ZNF253: variants seen among roughly 807,000 people sequenced by gnomAD.
ZNF253 encodes the protein zinc finger protein 253, also known as DNA-binding protein.
ZNF253 carries 8 observed loss-of-function variants against 11.9 expected under a neutral mutation model. The ratio of observed to expected loss-of-function variants is 0.67; its 90% CI spans 0.40 to 1.22. ZNF253 has a LOEUF of 1.22. Among genes scored for constraint, ZNF253 ranks in the 50% most tolerant of loss-of-function variants. ZNF253 has a pLI of 0.01. For synonymous variants in ZNF253, 194 were observed against 194.9 expected (o/e 1.00, Z 0.04); for missense variants, 485 against 586.9 (o/e 0.83, Z 1.79).
rs970954814 is a variant in ZNF253, at chr19:19,865,889, C to T, written c.-108C>T. ...CTGCAGCGGGAGCTCCAGGTTTATC[C>T]TCAGTGTTCTGTGTCCTGTGCTTAT... On this transcript the variant is annotated 5_prime_UTR_variant, in exon 1 of 4. Coordinates refer to ENST00000589717, the MANE Select transcript of ZNF253 (RefSeq NM_021047.3). The T allele has an allele frequency of 7.1e-6, 10 of 1,406,752 alleles. No individual in the cohort carries two copies. The African/African-American group carries it at 1.1e-4, about 16-fold the overall frequency. The allele number at this position is 1,406,752 out of a possible 1,614,324, so 87.1% of individuals were successfully genotyped here.
Position 19,878,735 on chromosome 19 carries a change from G to A in ZNF253, c.130+128G>A. ...ATTACAGGCATAAGCCACTGCGCCT[G>A]GCCATATTTTATTTATATTTCTGTA... On this transcript the variant is annotated intron_variant, in intron 2 of 3. Coordinates refer to ENST00000589717, the MANE Select transcript of ZNF253 (RefSeq NM_021047.3). The A allele has an allele frequency of 6.2e-6, 6 of 965,080 alleles. No individual in the cohort carries two copies. The Middle Eastern group carries it at 7.3e-4, about 117-fold the overall frequency. 59.8% of individuals were successfully genotyped at this position (965,080 alleles called of 1,614,324 possible).
chr19:19,890,325 C>T, intron 3 of ZNF253, among the ~76,000 whole-genome samples: 1 of 152,104 alleles, frequency 6.6e-6, no homozygotes, highest in East Asian at 1.9e-4. Flanking sequence ...TAACATTTAC[C>T]TTTAGACTCA....
intron 3 of ZNF253, among the ~76,000 whole-genome samples, chr19:19,882,158 C>T (rs2063180533): frequency 6.6e-6 from 1 of 150,912 alleles, no homozygotes; most frequent in African/African-American, 2.4e-5. Flanking sequence ...CATTGCACTC[C>T]AGCCTGGGCA....
At position 19,891,902 on chromosome 19, in the gene ZNF253, A is replaced by G. The variant is rs749812359; in HGVS notation, c.655A>G (p.Lys219Glu). The stretch of plus-strand genomic sequence containing the variant: ...CCAATCTGCAAACCTTACTACACAT[A>G]AGAGAATTCATACCGGAGAGAAACC... ...FNQSANLTTH[K>E]RIHTGEKPYR... The change falls in exon 4 of 4, where the codon AAG (lysine) becomes GAG (glutamate). Residue 219 changes from lysine to glutamate, a missense_variant. This residue lies in a region of ZNF253 where 218 missense variants were observed against 213.1 expected (regional missense o/e 1.02). Coordinates refer to ENST00000589717, the MANE Select transcript of ZNF253 (RefSeq NM_021047.3). 2.5e-6 allele frequency: 4 copies of G among 1,613,990 alleles called. No homozygotes were observed. Among genetic ancestry groups the G allele is most frequent in the Non-Finnish European group, 2.5e-6 (3 of 1,179,986 alleles).
At chr19:19,886,810 A>T (rs917674438) in intron 3 of ZNF253, among the ~76,000 whole-genome samples, 20 of 152,318 alleles carry the variant, frequency 1.3e-4, no homozygotes, top group African/African-American at 4.1e-4. Context: ...GTATTCCTCT[A>T]TATGCAAAAT....
chr19:19,867,706 G>A (rs2063117457), intron 1 of ZNF253, among the ~76,000 whole-genome samples: 4 of 152,184 alleles, frequency 2.6e-5, no homozygotes, highest in South Asian at 2.1e-4. Flanking sequence ...CACTGATAGG[G>A]CCTGTCCATG....
At chr19:19,870,771 A>T (rs2063130744) in intron 1 of ZNF253, 1 of 152,124 alleles carries the variant, frequency 6.6e-6, no homozygotes, top group East Asian at 1.9e-4. Context: ...TAGAACCCCC[A>T]TTCAGTGGCT....
rs192576707 is a variant in ZNF253 at position 19,893,692 on chromosome 19, T to G, written c.*945T>G. ...TTACTGAACAGAAGAAGGTTCATAG[T>G]TAATAAAGCATTAAAAGTGCAATTA... On this transcript the variant is annotated 3_prime_UTR_variant, in exon 4 of 4. Coordinates refer to ENST00000589717, the MANE Select transcript of ZNF253 (RefSeq NM_021047.3). 4.7e-4 allele frequency: 72 copies of G among 152,360 alleles called. No homozygotes were observed. The highest frequency in any genetic ancestry group is 1.7e-3 in the African/African-American group (71 of 41,596). The allele number at this position is 152,360 out of a possible 1,614,324, so 9.4% of individuals were successfully genotyped here.
At chr19:19,868,798 G>A (rs927010697) in intron 1 of ZNF253, among the ~76,000 whole-genome samples, 2 of 151,958 alleles carry the variant, frequency 1.3e-5, no homozygotes, top group African/African-American at 2.4e-5. Flanking sequence ...AAACCTGCAC[G>A]TTATGCACAT....
intron 3 of ZNF253, among the ~76,000 whole-genome samples, chr19:19,886,574 T>C (rs1180757806): frequency 6.6e-6 from 1 of 152,210 alleles, no homozygotes; most frequent in African/African-American, 2.4e-5. Flanking sequence ...CTTTTCACTC[T>C]ATTAATTCAA....
At position 19,891,768 on chromosome 19, in the gene ZNF253, G is replaced by T; in HGVS notation, c.521G>T (p.Cys174Phe). 6.2e-7 allele frequency: 1 copy of T among 1,614,092 alleles called. No homozygotes were observed. The highest frequency in any genetic ancestry group is 8.5e-7 in the Non-Finnish European group (1 of 1,179,990). Residue 174 changes from cysteine (C) to phenylalanine (F), a missense_variant, in exon 4 of 4, where the codon TGT becomes TTT. Coordinates refer to ENST00000589717, the MANE Select transcript of ZNF253 (RefSeq NM_021047.3). ...TRHTGINLFK[C>F]IICGKAFKRS... ...CATACTGGAATAAATCTTTTCAAATGTATAATATGTGGCAAAGCTTTTAAA... is the reference window on the plus strand; with the variant it reads ...CATACTGGAATAAATCTTTTCAAATTTATAATATGTGGCAAAGCTTTTAAA...
chr19:19,866,048 C>A, intron 1 of ZNF253, 49 bp downstream of exon 1: 9 of 1,613,460 alleles, frequency 5.6e-6, no homozygotes, highest in Non-Finnish European at 7.6e-6. Flanking sequence ...CTGTTTGGAA[C>A]GGTGGGAAGT....
intron 1 of ZNF253, among the ~76,000 whole-genome samples, chr19:19,873,524 T>C (rs955651061): frequency 6.6e-6 from 1 of 152,194 alleles, no homozygotes; most frequent in Admixed American, 6.5e-5. Context: ...ATTCTGCTTC[T>C]GTCTCAGTGT....
chr19:19,892,182 A>G lies in ZNF253; in HGVS notation c.935A>G (p.Tyr312Cys). 1 of 1,613,842 alleles carries G rather than the reference A, an allele frequency of 6.2e-7. No individual in the cohort carries two copies. The highest frequency in any genetic ancestry group is 1.1e-5 in the South Asian group (1 of 91,038). ...AAAATTCATACTAGAGGGAAACCCT[A>G]CAACTGTGAAGAATGTGGCAAATCC... ...HKKIHTRGKP[Y>C]NCEECGKSFK... Residue 312 changes from tyrosine (Y) to cysteine (C), a missense_variant, in exon 4 of 4, where the codon TAC (tyrosine) becomes TGC (cysteine). Around this residue, in one of 3 missense-constraint regions of ZNF253, gnomAD observed 232 missense variants for 321.4 expected, o/e 0.72. Transcript: ENST00000589717.
At chr19:19,873,327 C>T (rs1488781774) in intron 1 of ZNF253, among the ~76,000 whole-genome samples, 1 of 152,124 alleles carries the variant, frequency 6.6e-6, no homozygotes, top group Non-Finnish European at 1.5e-5. Flanking sequence ...AACAGGTGAT[C>T]CAGGTTCTGG....
chr19:19,892,300 A>C lies in ZNF253; in HGVS notation c.1053A>C (p.Leu351=). Residue 351 remains leucine (L), a synonymous_variant, in exon 4 of 4, where the codon CTA becomes CTC. Coordinates refer to ENST00000589717, the MANE Select transcript of ZNF253 (RefSeq NM_021047.3). ...KCEECGKAFH[L]SSHLTTHKIL... ...AAGAATGTGGCAAAGCCTTTCACCT[A>C]TCCTCACACCTTACTACACATAAGA... 6.2e-7 allele frequency: 1 copy of C among 1,613,148 alleles called. No individual in the cohort carries two copies. The highest frequency in any genetic ancestry group is 1.7e-4 in the Middle Eastern group (1 of 6,050).
At chr19:19,879,094 A>G (rs2063167043) in intron 2 of ZNF253, among the ~76,000 whole-genome samples, 1 of 152,198 alleles carries the variant, frequency 6.6e-6, no homozygotes, top group Admixed American at 6.5e-5. Flanking sequence ...ACTAGACATG[A>G]TATTCCACTA....
At chr19:19,880,988 GT>G (rs1195528113) in intron 3 of ZNF253, among the ~76,000 whole-genome samples, 1 of 151,862 alleles carries the variant, frequency 6.6e-6, no homozygotes, top group East Asian at 1.9e-4. Context: ...CCTCAAGACT[GT>G]TTTGGCTATT....
chr19:19,871,026 A>G (rs2063131817), intron 1 of ZNF253: 1 of 152,000 alleles, frequency 6.6e-6, no homozygotes, highest in Admixed American at 6.6e-5. Flanking sequence ...TCAGATGGAG[A>G]TCTGTTTTTC....
Sources: gnomAD v4.1 joint callset for allele counts (sites outside exome capture counted in the v4.1 genomes callset) on GRCh38, gnomAD v4.1.1 for gene constraint, gnomAD v4.1.1 regional missense constraint, MANE v1.5 for transcripts, NCBI Gene and HGNC (gene_info 2026-07-23, HGNC 2026-07-21) for gene names.